DST: variants seen among roughly 807,000 people sequenced by gnomAD.
DST encodes the protein bullous pemphigoid antigen.
DST carries 253 observed loss-of-function variants against 875.2 expected under a neutral mutation model. The ratio of observed to expected loss-of-function variants is 0.29; its 90% confidence interval spans 0.26 to 0.32. DST has a LOEUF of 0.32. Among genes scored for constraint, DST ranks in the 10% least tolerant of loss-of-function variants. The pLI is 1.00. For missense variants in DST, 8,287 were observed against 9,111.6 expected (o/e 0.91, Z 3.68); for synonymous variants, 3,124 against 3,197.1 (o/e 0.98, Z 0.77).
At chr6:56,849,424 G>A (rs532615337) in intron 4 of DST, among the ~76,000 whole-genome samples, 1 of 152,042 alleles carries the variant, frequency 6.6e-6, no homozygotes, top group Admixed American at 6.5e-5. Context: ...CATGAGCCAC[G>A]ACACCTGGCC....
At chr6:56,614,153 C>T (rs560236452) in intron 37 of DST, among the ~76,000 whole-genome samples, 2 of 152,260 alleles carry the variant, frequency 1.3e-5, no homozygotes, top group South Asian at 2.1e-4. Flanking sequence ...AACGTTCAGG[C>T]TTTGGAATTA....
intron 49 of DST, among the ~76,000 whole-genome samples, chr6:56,581,331 G>GA (rs200915365): frequency 0.021 from 3,187 of 151,430 alleles, 42 homozygotes; most frequent in Non-Finnish European, 0.032. Context: ...GGGGAGAGAA[G>GA]AAAAAAAAGA....
At chr6:56,852,828 A>G (rs558228494) in intron 3 of DST, among the ~76,000 whole-genome samples, 2 of 152,374 alleles carry the variant, frequency 1.3e-5, no homozygotes, top group South Asian at 4.1e-4. Context: ...GAAATCAGTG[A>G]GGCATGCTCC....
At chr6:56,534,602 A>T (rs1374001351) in intron 63 of DST, among the ~76,000 whole-genome samples, 1 of 152,234 alleles carries the variant, frequency 6.6e-6, no homozygotes, top group East Asian at 1.9e-4. Flanking sequence ...AATATATAAA[A>T]AGACAATTTC....
At position 56,953,823 on chromosome 6, in the gene DST, G is replaced by A. The variant is rs1190112502; in HGVS notation, c.182-4C>T. 2 of 1,313,026 alleles carry A rather than the reference G, an allele frequency of 1.5e-6. No homozygotes were observed. Among genetic ancestry groups the A allele is most frequent in the Non-Finnish European group, 2.0e-6 (2 of 992,906 alleles). 81.3% of individuals were successfully genotyped at this position (1,313,026 alleles called of 1,614,324 possible). A position where few individuals can be genotyped will look rare whatever the true frequency, so the allele number is the denominator to read the frequency against. Reference sequence around the variant, plus strand: ...TGGTGCGATCTCAAAACAGCATCTGGGGAGAAAAGAGATAAATGAGACTTC... The same window carrying A: ...TGGTGCGATCTCAAAACAGCATCTGAGGAGAAAAGAGATAAATGAGACTTC... On this transcript the variant is annotated splice_region_variant and splice_polypyrimidine_tract_variant and intron_variant, in intron 1 of 103. Coordinates refer to ENST00000680361, the MANE Select transcript of DST (RefSeq NM_001374736.1).
intron 61 of DST, among the ~76,000 whole-genome samples, chr6:56,542,169 C>T (rs544386404): frequency 6.6e-6 from 1 of 151,656 alleles, no homozygotes; most frequent in African/African-American, 2.4e-5. Flanking sequence ...CAGAACAAAT[C>T]TTCAGAGAAA....
chr6:56,600,533 C>G (rs944210798), intron 44 of DST, among the ~76,000 whole-genome samples: 1 of 151,888 alleles, frequency 6.6e-6, no homozygotes, highest in Non-Finnish European at 1.5e-5. Context: ...TTGAAACCTG[C>G]GACACATAGA....
intron 78 of DST, among the ~76,000 whole-genome samples, 163 bp from the exon 79 acceptor site, chr6:56,501,856 C>CA (rs767958041): frequency 2.1e-3 from 322 of 150,888 alleles, no homozygotes; most frequent in Admixed American, 3.0e-3. Flanking sequence ...GAATTATAGG[C>CA]AAAAAAAATA....
intron 4 of DST, among the ~76,000 whole-genome samples, chr6:56,755,334 G>A (rs2099599255): frequency 6.6e-6 from 1 of 152,158 alleles, no homozygotes; most frequent in Non-Finnish European, 1.5e-5. Flanking sequence ...TAAAATTTAA[G>A]AAGACAATTG....
rs374772454 is a variant in DST at position 56,605,257 on chromosome 6, T to C, written c.9371A>G (p.Gln3124Arg). Residue 3124 changes from glutamine (Q) to arginine (R), a missense_variant, in exon 40 of 104, where the codon CAA (glutamine) becomes CGA (arginine). Transcript: ENST00000680361. ...AACAGGACTTTTACTAACTATTATT[T>C]GTAGATTATTTGGTTCATCTTTAAG... ...VTLKDEPNNL[Q>R]IIVSKSPVQF... The C allele has an allele frequency of 5.0e-6, 8 of 1,610,634 alleles. No individual in the cohort carries two copies. In the African/African-American group the frequency reaches 1.1e-4, roughly 22 times the overall value.
rs70989721 is a variant in DST at position 56,650,325 on chromosome 6, C to CAAAAAAA, written c.1434+594_1434+600dup. Among the ~76,000 whole-genome samples, 67 of 48,684 alleles carry CAAAAAAA rather than the reference C, an allele frequency of 1.4e-3. 3 individuals carry two copies. Among genetic ancestry groups the CAAAAAAA allele is most frequent in the African/African-American group, 4.9e-3 (63 of 12,748 alleles). The allele number at this position is 48,684 out of a possible 152,430, so 31.9% of individuals were successfully genotyped here. ...ATAAGCACTTGTTAGCATAACCACC[C>CAAAAAAA]AAAAAAAAAAAAAAAAAAAAAAAGC... is the stretch of plus-strand genomic sequence containing the variant. On this transcript the variant is annotated intron_variant, in intron 12 of 103. Transcript: ENST00000680361.
At chr6:56,593,540 T>C in intron 48 of DST, 123 bp downstream of exon 48, 1 of 465,006 alleles carries the variant, frequency 2.2e-6, no homozygotes, top group Non-Finnish European at 3.3e-6. Flanking sequence ...AAAATAGAAG[T>C]AGGCTAAAGC....
At chr6:56,946,736 G>A (rs1238706523) in intron 2 of DST, among the ~76,000 whole-genome samples, 3 of 152,164 alleles carry the variant, frequency 2.0e-5, no homozygotes, top group Non-Finnish European at 4.4e-5. Flanking sequence ...TTGTGAGTCA[G>A]GAGATAAAAA....
At chr6:56,712,090 C>CAAAAAAAAAAAAAAAAAAAAAAAAAAA (rs34769867) in intron 5 of DST, among the ~76,000 whole-genome samples, 1 of 76,534 alleles carries the variant, frequency 1.3e-5, no homozygotes, top group Non-Finnish European at 3.2e-5. Context: ...GACTCCGTCT[C>CAAAAAAAAAAAAAAAAAAAAAAAAAAA]AAAAAAAAAA....
At chr6:56,717,395 C>T (rs1225869819) in intron 5 of DST, among the ~76,000 whole-genome samples, 1 of 151,960 alleles carries the variant, frequency 6.6e-6, no homozygotes, top group Non-Finnish European at 1.5e-5. Flanking sequence ...GTCTGTGGCC[C>T]AGGGGTTGGA....
intron 36 of DST, among the ~76,000 whole-genome samples, chr6:56,623,900 A>C (rs141617828): frequency 2.8e-4 from 42 of 152,180 alleles, no homozygotes; most frequent in Non-Finnish European, 5.2e-4. Context: ...TATGATTTTT[A>C]AATGCAGAAT....
chr6:56,671,004 C>T (rs866628768), intron 9 of DST, among the ~76,000 whole-genome samples, 197 bp from the exon 10 acceptor site: 12 of 152,306 alleles, frequency 7.9e-5, no homozygotes, highest in Middle Eastern at 3.4e-3. Context: ...AGAAAGTTAT[C>T]AAACCATTAG....
At chr6:56,833,870 A>G (rs1217390097) in intron 4 of DST, among the ~76,000 whole-genome samples, 1 of 152,148 alleles carries the variant, frequency 6.6e-6, no homozygotes, top group Admixed American at 6.6e-5. Flanking sequence ...TATCTGATAA[A>G]GGACTGGTAT....
intron 3 of DST, among the ~76,000 whole-genome samples, chr6:56,884,546 T>C (rs969919005): frequency 3.3e-5 from 5 of 152,144 alleles, no homozygotes; most frequent in East Asian, 1.9e-4. Flanking sequence ...TTAGCAGTCA[T>C]TGATGATCAG....
Sources: allele counts gnomAD v4.1 joint callset (sites outside exome capture counted in the v4.1 genomes callset), GRCh38; gene constraint gnomAD v4.1.1; transcripts MANE v1.5; gene names NCBI Gene and HGNC (gene_info 2026-07-23, HGNC 2026-07-21).